CCDC192: variants seen among roughly 807,000 people sequenced by gnomAD.
The protein encoded by CCDC192 is coiled-coil domain containing 192.
intron 5 of CCDC192, among the ~76,000 whole-genome samples, chr5:127,857,278 G>T (rs1168712381): frequency 6.6e-6 from 1 of 152,256 alleles, no homozygotes; most frequent in Non-Finnish European, 1.5e-5. Flanking sequence ...GTTGTAAGCT[G>T]AGAACTGGGA....
intron 6 of CCDC192, among the ~76,000 whole-genome samples, chr5:127,882,668 C>T (rs1752405496): frequency 2.0e-5 from 3 of 152,232 alleles, no homozygotes; most frequent in East Asian, 1.9e-4. Context: ...TCCTCACTAA[C>T]ACTGACTAAC....
chr5:127,781,808 C>G (rs1756242131), intron 3 of CCDC192, among the ~76,000 whole-genome samples: 1 of 152,140 alleles, frequency 6.6e-6, no homozygotes, highest in Non-Finnish European at 1.5e-5. Context: ...CTCCTCTTTA[C>G]TGATTTAGAT....
intron 6 of CCDC192, among the ~76,000 whole-genome samples, chr5:127,906,041 A>G (rs1753185561): frequency 6.6e-6 from 1 of 152,122 alleles, no homozygotes; most frequent in Non-Finnish European, 1.5e-5. Flanking sequence ...TACAACATAC[A>G]ATTCACATTT....
At chr5:127,905,362 T>TG (rs1022292116) in intron 6 of CCDC192, among the ~76,000 whole-genome samples, 1 of 152,230 alleles carries the variant, frequency 6.6e-6, no homozygotes, top group African/African-American at 2.4e-5. Context: ...ATATAGCACT[T>TG]GGAAAAATAT....
At chr5:127,710,913 C>T (rs1751294726) in intron 2 of CCDC192, among the ~76,000 whole-genome samples, 1 of 152,134 alleles carries the variant, frequency 6.6e-6, no homozygotes, top group Admixed American at 6.6e-5. Context: ...AGGTAGTCCC[C>T]ATTTATCTCA....
chr5:127,928,974 C>T (rs1753943855), intron 6 of CCDC192, among the ~76,000 whole-genome samples: 1 of 151,990 alleles, frequency 6.6e-6, no homozygotes, highest in African/African-American at 2.4e-5. Context: ...ACCAGGCTGG[C>T]CAGGCTGGTC....
At chr5:127,859,822 G>A (rs532551291) in intron 5 of CCDC192, among the ~76,000 whole-genome samples, 6 of 152,050 alleles carry the variant, frequency 3.9e-5, no homozygotes, top group East Asian at 1.9e-4. Context: ...GTCTCTTGTC[G>A]GCTATGTCTA....
chr5:127,800,421 G>T (rs1020909230), intron 5 of CCDC192, among the ~76,000 whole-genome samples: 7 of 113,006 alleles, frequency 6.2e-5, no homozygotes, highest in African/African-American at 2.3e-4. Context: ...CAAAAAGTAG[G>T]AAGACTGTTG....
intron 6 of CCDC192, among the ~76,000 whole-genome samples, chr5:127,924,436 C>T (rs911220070): frequency 6.6e-6 from 1 of 152,094 alleles, no homozygotes; most frequent in African/African-American, 2.4e-5. Flanking sequence ...ACCGTGCTGC[C>T]AATTCCTAAG....
At chr5:127,899,956 G>A (rs1321481902) in intron 6 of CCDC192, among the ~76,000 whole-genome samples, 1 of 152,150 alleles carries the variant, frequency 6.6e-6, no homozygotes, top group Non-Finnish European at 1.5e-5. Context: ...GATTCCCAAA[G>A]AAAACTGCCA....
intron 5 of CCDC192, among the ~76,000 whole-genome samples, chr5:127,840,324 A>C (rs939983844): frequency 1.3e-5 from 2 of 152,234 alleles, no homozygotes; most frequent in African/African-American, 4.8e-5. Flanking sequence ...CTTAAGTTTT[A>C]TAATCGTCAA....
intron 3 of CCDC192, among the ~76,000 whole-genome samples, chr5:127,766,030 C>G (rs1429910558): frequency 6.6e-6 from 1 of 152,224 alleles, no homozygotes; most frequent in Non-Finnish European, 1.5e-5. Flanking sequence ...ACAATATGCC[C>G]TATGTTAACC....
intron 6 of CCDC192, among the ~76,000 whole-genome samples, chr5:127,889,360 C>G (rs951808438): frequency 6.6e-6 from 1 of 151,648 alleles, no homozygotes; most frequent in African/African-American, 2.4e-5. Flanking sequence ...TGACTGATTT[C>G]TCATGCATAT....
intron 6 of CCDC192, among the ~76,000 whole-genome samples, chr5:127,880,915 G>A (rs1580789759): frequency 6.6e-6 from 1 of 152,172 alleles, no homozygotes; most frequent in South Asian, 2.1e-4. Flanking sequence ...AGGAGGCAGA[G>A]GTTGCAGTGA....
At chr5:127,841,714 A>G (rs1385822070) in intron 5 of CCDC192, among the ~76,000 whole-genome samples, 1 of 152,084 alleles carries the variant, frequency 6.6e-6, no homozygotes. Context: ...GAACAAACGG[A>G]GTTGTCCAAC....
At chr5:127,851,200 G>A (rs577704519) in intron 5 of CCDC192, among the ~76,000 whole-genome samples, 2 of 152,138 alleles carry the variant, frequency 1.3e-5, no homozygotes, top group South Asian at 2.1e-4. Flanking sequence ...TATTAAATTG[G>A]TGTCTATGAT....
At chr5:127,792,550 A>G (rs1428981381) in intron 3 of CCDC192, among the ~76,000 whole-genome samples, 1 of 145,894 alleles carries the variant, frequency 6.9e-6, no homozygotes, top group Non-Finnish European at 1.5e-5. Flanking sequence ...ATATATATGT[A>G]TAAAAATTAG....
intron 5 of CCDC192, among the ~76,000 whole-genome samples, chr5:127,823,364 C>G (rs1421754559): frequency 6.6e-6 from 1 of 152,160 alleles, no homozygotes; most frequent in Non-Finnish European, 1.5e-5. Flanking sequence ...TGTTGAGTGC[C>G]AGGTTGATCT....
chr5:127,920,090 T>C (rs762234256), intron 6 of CCDC192, among the ~76,000 whole-genome samples: 4 of 152,234 alleles, frequency 2.6e-5, no homozygotes, highest in Non-Finnish European at 5.9e-5. Context: ...AATTTGAGAA[T>C]TTAAGATGTC....
Sources: gnomAD v4.1 joint callset for allele counts (sites outside exome capture counted in the v4.1 genomes callset) on GRCh38, gnomAD v4.1.1 for gene constraint, MANE v1.5 for transcripts, NCBI Gene and HGNC (gene_info 2026-07-23, HGNC 2026-07-21) for gene names.